Variants in ETNK1 observed in about 807,000 individuals in gnomAD.
ETNK1 encodes putative protein product of Nbla10396.
ETNK1 carries 8 observed loss-of-function variants against 45.1 expected under a neutral mutation model. The ratio of observed to expected loss-of-function variants is 0.18; its 90% confidence interval spans 0.10 to 0.32. The LOEUF (loss-of-function observed/expected upper bound fraction) is 0.32. Ranked by LOEUF, ETNK1 falls within the 10% of genes least tolerant of loss-of-function variation. The pLI, the probability that ETNK1 is intolerant of heterozygous loss-of-function variation, is 1.00. For synonymous variants in ETNK1, 152 were observed against 151.9 expected (o/e 1.00, Z -0.01); for missense variants, 302 against 430.6 (o/e 0.70, Z 2.64).
chr12:22,670,309 C>T (rs1454735702), intron 4 of ETNK1, among the ~76,000 whole-genome samples: 3 of 151,766 alleles, frequency 2.0e-5, no homozygotes, highest in Admixed American at 6.6e-5. Context: ...CCATTTTTAA[C>T]TCCACGCCCC....
intron 1 of ETNK1, among the ~76,000 whole-genome samples, chr12:22,641,971 A>C (rs937887491): frequency 2.4e-4 from 36 of 152,238 alleles, no homozygotes; most frequent in African/African-American, 8.4e-4. Context: ...ACATCTTTTT[A>C]TGTTTGTACA....
chr12:22,634,669 A>G (rs1408730589), intron 1 of ETNK1, among the ~76,000 whole-genome samples: 1 of 152,094 alleles, frequency 6.6e-6, no homozygotes, highest in African/African-American at 2.4e-5. Context: ...ATCATGGCCC[A>G]CTACAGCCTC....
intron 1 of ETNK1, among the ~76,000 whole-genome samples, chr12:22,634,445 T>C (rs550838385): frequency 1.4e-4 from 22 of 152,246 alleles, no homozygotes; most frequent in African/African-American, 4.8e-4. Context: ...AGTTCAGAGG[T>C]GTTTCTTCTT....
At chr12:22,628,056 G>A (rs556080520) in intron 1 of ETNK1, among the ~76,000 whole-genome samples, 27 of 151,908 alleles carry the variant, frequency 1.8e-4, no homozygotes, top group Non-Finnish European at 3.1e-4. Flanking sequence ...TGAGGTTTTC[G>A]GAGTATAGTA....
intron 1 of ETNK1, among the ~76,000 whole-genome samples, chr12:22,643,373 T>G (rs1258872543): frequency 6.6e-6 from 1 of 151,956 alleles, no homozygotes; most frequent in Non-Finnish European, 1.5e-5. Flanking sequence ...TAGGAGAGAT[T>G]CCCTGTATGT....
intron 1 of ETNK1, among the ~76,000 whole-genome samples, chr12:22,629,150 A>G (rs747483694): frequency 6.6e-6 from 1 of 152,146 alleles, no homozygotes; most frequent in Non-Finnish European, 1.5e-5. Context: ...CACCTACTAT[A>G]TATTGGATAC....
intron 1 of ETNK1, among the ~76,000 whole-genome samples, chr12:22,636,338 TAAA>T (rs1229872514): frequency 6.6e-6 from 1 of 152,164 alleles, no homozygotes; most frequent in Non-Finnish European, 1.5e-5. Context: ...TTAAAAAAAT[TAAA>T]AATGAGGTCC....
intron 1 of ETNK1, among the ~76,000 whole-genome samples, chr12:22,634,649 C>T (rs1187972821): frequency 6.6e-6 from 1 of 152,150 alleles, no homozygotes; most frequent in Non-Finnish European, 1.5e-5. Flanking sequence ...GGATTGAGTG[C>T]AGTGGTGCGA....
At chr12:22,651,900 G>T in intron 2 of ETNK1, among the ~76,000 whole-genome samples, 1 of 151,948 alleles carries the variant, frequency 6.6e-6, no homozygotes, top group East Asian at 1.9e-4. Context: ...TGGCCAGGCT[G>T]GTCTCGAACT....
In ETNK1 at chr12:22,643,987, G is replaced by A. The variant is rs1434193684; in HGVS notation, c.381G>A (p.Leu127=). 6.2e-7 allele frequency: 1 copy of A among 1,609,922 alleles called. No individual in the cohort carries two copies. ...LCYEFIQGEA[L]DPKHVCNPAI... is the part of the protein sequence containing the mutation. The stretch of plus-strand genomic sequence containing the variant: ...ATGAATTTATACAAGGAGAAGCACT[G>A]GATCCAAAGCATGTCTGCAACCCAG... Residue 127 remains leucine (L), a synonymous_variant, in exon 2 of 8, where the codon CTG becomes CTA. Transcript: ENST00000266517.
At position 22,659,699 on chromosome 12, in the gene ETNK1, A is replaced by C. The variant is rs140279948; in HGVS notation, c.557+545A>C. 2.2e-4 allele frequency among the ~76,000 whole-genome samples: 34 copies of C among 152,306 alleles called. 1 individual carries two copies. The highest frequency in any genetic ancestry group is 7.9e-4 in the African/African-American group (33 of 41,570). On this transcript the variant is annotated intron_variant, in intron 3 of 7. Transcript: ENST00000266517. Reference sequence around the variant, plus strand: ...AGATAGTATATGTAAAGTTCTTTAAAACAGTGCCTGGTCATCACTTAAGTG... The same window carrying C: ...AGATAGTATATGTAAAGTTCTTTAACACAGTGCCTGGTCATCACTTAAGTG...
At chr12:22,641,187 G>T (rs1362565556) in intron 1 of ETNK1, among the ~76,000 whole-genome samples, 1 of 152,140 alleles carries the variant, frequency 6.6e-6, no homozygotes, top group African/African-American at 2.4e-5. Context: ...ACTACATTGA[G>T]AATGGTGGGG....
rs1953484669 is a variant in ETNK1 at position 22,625,712 on chromosome 12, G to A, written c.156+126G>A. 17 of 1,366,666 alleles carry A rather than the reference G, an allele frequency of 1.2e-5. No homozygotes were observed. The Admixed American group carries it at 3.4e-4, about 27-fold the overall frequency. 84.7% of individuals were successfully genotyped at this position (1,366,666 alleles called of 1,614,324 possible). A position where few individuals can be genotyped will look rare whatever the true frequency, so the allele number is the denominator to read the frequency against. Reference sequence around the variant, plus strand: ...AGGGCAACATCTCCTTAAGTCTATTGGGAAGTGACCCTGTATTTCCCCTCA... The same window carrying A: ...AGGGCAACATCTCCTTAAGTCTATTAGGAAGTGACCCTGTATTTCCCCTCA... On this transcript the variant is annotated intron_variant, in intron 1 of 7. Coordinates refer to ENST00000266517, the MANE Select transcript of ETNK1 (RefSeq NM_018638.5).
intron 6 of ETNK1, among the ~76,000 whole-genome samples, chr12:22,677,979 G>A (rs1370968163): frequency 2.0e-5 from 3 of 151,978 alleles, no homozygotes; most frequent in Middle Eastern, 3.2e-3. Context: ...TTTGCTGATC[G>A]TCTGTTGTGT....
At chr12:22,678,171 C>T (rs992112874) in intron 6 of ETNK1, among the ~76,000 whole-genome samples, 2 of 152,244 alleles carry the variant, frequency 1.3e-5, no homozygotes, top group African/African-American at 4.8e-5. Flanking sequence ...ATGTGCCTCT[C>T]GCATCTCAAG....
chr12:22,656,370 C>T, intron 2 of ETNK1: 1 of 980,352 alleles, frequency 1.0e-6, no homozygotes, highest in Non-Finnish European at 1.2e-6. Context: ...CTGACTTTAT[C>T]CGTGTGATGT....
In ETNK1 at chr12:22,625,180, C is replaced by T. The variant is rs1953466920; in HGVS notation, c.-251C>T. 4 of 1,600,250 alleles carry T rather than the reference C, an allele frequency of 2.5e-6. No homozygotes were observed. The highest frequency in any genetic ancestry group is 1.3e-5 in the African/African-American group (1 of 74,644). On this transcript the variant is annotated 5_prime_UTR_variant, in exon 1 of 8. Coordinates refer to ENST00000266517, the MANE Select transcript of ETNK1 (RefSeq NM_018638.5). ...AGCCCCGGCATGCTCTGCGGCCGCC[C>T]GCGGTCCAGCTCCGACAACAGGAAT...
intron 4 of ETNK1, among the ~76,000 whole-genome samples, chr12:22,662,153 C>T (rs1419341168): frequency 1.3e-5 from 2 of 149,822 alleles, no homozygotes; most frequent in East Asian, 2.0e-4. Flanking sequence ...CTGTAACTTC[C>T]GCCTCCCAAG....
In ETNK1 at chr12:22,657,086, A is replaced by G. The variant is rs576975262; in HGVS notation, c.417-1928A>G. 1.4e-3 allele frequency among the ~76,000 whole-genome samples: 215 copies of G among 152,112 alleles called. 2 individuals carry two copies. Among genetic ancestry groups the G allele is most frequent in the Middle Eastern group, 3.4e-3 (1 of 292 alleles). On this transcript the variant is annotated intron_variant, in intron 2 of 7. Coordinates refer to ENST00000266517, the MANE Select transcript of ETNK1 (RefSeq NM_018638.5). ...TTTATCACCACCTGGCCTTTCCATC[A>G]AGTTGCCTGGTGCTTAAGTACCACA...
Sources: gnomAD v4.1 joint callset for allele counts (sites outside exome capture counted in the v4.1 genomes callset) on GRCh38, gnomAD v4.1.1 for gene constraint, MANE v1.5 for transcripts, NCBI Gene and HGNC (gene_info 2026-07-23, HGNC 2026-07-21) for gene names.